NIPAL2: variants seen among roughly 807,000 people sequenced by gnomAD.
NIPAL2 encodes NIPA like domain containing 2.
NIPAL2 carries 43 observed loss-of-function variants against 48.9 expected under a neutral mutation model. That is an observed-to-expected ratio of 0.88 (90% confidence interval 0.69 to 1.13). NIPAL2 has a LOEUF of 1.13. NIPAL2 is among the 50% of genes most tolerant of loss of function. NIPAL2 has a pLI of 0.00. For missense variants in NIPAL2, 446 were observed against 461.4 expected (o/e 0.97, Z 0.31); for synonymous variants, 167 against 174.6 (o/e 0.96, Z 0.34).
rs1483998590 is a variant in NIPAL2 at position 98,257,607 on chromosome 8, G to GA, written c.136-3521dup. Among the ~76,000 whole-genome samples, 6 of 152,146 alleles carry GA rather than the reference G, an allele frequency of 3.9e-5. No individual in the cohort carries two copies. In the East Asian group the frequency reaches 1.2e-3, roughly 29 times the overall value. On this transcript the variant is annotated intron_variant, in intron 1 of 10. Transcript: ENST00000430223. Reference sequence around the variant, plus strand: ...GCCCTGCAAAGCTGTCTCTTATGGGGAAAATCAATGTTCTGTAGAGAATCT... The same window carrying GA: ...GCCCTGCAAAGCTGTCTCTTATGGGGAAAAATCAATGTTCTGTAGAGAATCT...
intron 1 of NIPAL2, among the ~76,000 whole-genome samples, chr8:98,264,726 A>G (rs1586439315): frequency 6.6e-6 from 1 of 151,982 alleles, no homozygotes; most frequent in East Asian, 2.0e-4. Flanking sequence ...TACAGATTCA[A>G]TGCCATCCCC....
chr8:98,208,377 A>T (rs929845374), intron 6 of NIPAL2, among the ~76,000 whole-genome samples: 3 of 152,140 alleles, frequency 2.0e-5, no homozygotes, highest in Non-Finnish European at 4.4e-5. Flanking sequence ...TTTGTCTCTG[A>T]TAACCAAAGC....
chr8:98,215,219 C>A (rs1450179894), intron 5 of NIPAL2, among the ~76,000 whole-genome samples: 1 of 152,224 alleles, frequency 6.6e-6, no homozygotes, highest in Non-Finnish European at 1.5e-5. Flanking sequence ...TAAATTCCAT[C>A]TCTGTGGCTT....
intron 1 of NIPAL2, among the ~76,000 whole-genome samples, chr8:98,259,069 C>CTTTTTTTTTTTTTTTTTTTTT (rs1563531576): frequency 1.0e-4 from 9 of 89,344 alleles, no homozygotes; most frequent in African/African-American, 3.7e-4. Context: ...TTTAAATATT[C>CTTTTTTTTTTTTTTTTTTTTT]CTTTTTTTTT....
intron 1 of NIPAL2, among the ~76,000 whole-genome samples, chr8:98,267,639 T>C (rs1814852329): frequency 2.0e-5 from 3 of 152,038 alleles, no homozygotes; most frequent in Admixed American, 2.0e-4. Flanking sequence ...TATTTTCTAA[T>C]CAGTAATGCC....
At chr8:98,268,391 T>C (rs774006801) in intron 1 of NIPAL2, among the ~76,000 whole-genome samples, 1 of 151,618 alleles carries the variant, frequency 6.6e-6, no homozygotes, top group African/African-American at 2.4e-5. Context: ...GAGGCTGAGG[T>C]GGGCAGATCA....
At chr8:98,283,371 T>G (rs1463558470) in intron 1 of NIPAL2, among the ~76,000 whole-genome samples, 2 of 152,078 alleles carry the variant, frequency 1.3e-5, no homozygotes, top group African/African-American at 4.8e-5. Context: ...GCAACAATAG[T>G]CAAGAAAAGG....
intron 1 of NIPAL2, among the ~76,000 whole-genome samples, chr8:98,276,546 C>T (rs1216951969): frequency 2.0e-5 from 3 of 152,092 alleles, no homozygotes. Context: ...GGCTTTTGTG[C>T]AGACATACGT....
At chr8:98,210,951 A>G (rs1263085105) in intron 6 of NIPAL2, among the ~76,000 whole-genome samples, 1 of 152,194 alleles carries the variant, frequency 6.6e-6, no homozygotes, top group East Asian at 1.9e-4. Context: ...GGCCAATCAG[A>G]AAGGGTGCTG....
intron 1 of NIPAL2, among the ~76,000 whole-genome samples, chr8:98,259,767 G>T (rs964992714): frequency 6.6e-6 from 1 of 152,204 alleles, no homozygotes; most frequent in Non-Finnish European, 1.5e-5. Context: ...CTGTGCTTGT[G>T]TCTATGGCCT....
intron 4 of NIPAL2, among the ~76,000 whole-genome samples, chr8:98,233,091 C>G (rs1812523338): frequency 6.6e-6 from 1 of 152,046 alleles, no homozygotes; most frequent in South Asian, 2.1e-4. Context: ...AGCCCTGTCT[C>G]TACTAAAAAT....
intron 4 of NIPAL2, among the ~76,000 whole-genome samples, chr8:98,224,507 A>AGT: frequency 6.6e-6 from 1 of 152,088 alleles, no homozygotes; most frequent in Admixed American, 6.5e-5. Context: ...TTACTGAACC[A>AGT]GTTTCCAATA....
rs80317261 is a variant in NIPAL2 at position 98,196,959 on chromosome 8, C to A, written c.881-954G>T. ...GTTGAATGAATGAAACTTTCTGAAGCACACTCCAGGTTATTACATACTTCC... is the reference window on the plus strand; with the variant it reads ...GTTGAATGAATGAAACTTTCTGAAGAACACTCCAGGTTATTACATACTTCC... On this transcript the variant is annotated intron_variant, in intron 8 of 10. Coordinates refer to ENST00000430223, the MANE Select transcript of NIPAL2 (RefSeq NM_001321635.2). Among the ~76,000 whole-genome samples, 1,133 of 152,314 alleles carry A rather than the reference C, an allele frequency of 7.4e-3. 11 individuals are homozygous for A. Among genetic ancestry groups the A allele is most frequent in the African/African-American group, 0.025 (1,060 of 41,572 alleles).
chr8:98,267,865 A>G (rs868692736), intron 1 of NIPAL2, among the ~76,000 whole-genome samples: 1 of 152,188 alleles, frequency 6.6e-6, no homozygotes, highest in South Asian at 2.1e-4. Context: ...TGGAACCTAC[A>G]TGAGGCAAAA....
chr8:98,283,889 A>T (rs767826500), intron 1 of NIPAL2, among the ~76,000 whole-genome samples: 4 of 152,086 alleles, frequency 2.6e-5, no homozygotes, highest in Non-Finnish European at 4.4e-5. Flanking sequence ...GTTGCCACTC[A>T]CTCACTGATC....
At chr8:98,290,458 C>T (rs1816431064) in intron 1 of NIPAL2, among the ~76,000 whole-genome samples, 1 of 152,164 alleles carries the variant, frequency 6.6e-6, no homozygotes, top group Non-Finnish European at 1.5e-5. Context: ...TCATTATTTC[C>T]CACATTTTCC....
At chr8:98,216,558 T>C (rs1811584261) in intron 5 of NIPAL2, among the ~76,000 whole-genome samples, 1 of 152,212 alleles carries the variant, frequency 6.6e-6, no homozygotes, top group Non-Finnish European at 1.5e-5. Flanking sequence ...TACCTGATGG[T>C]GGGTTTTGTT....
intron 10 of NIPAL2, among the ~76,000 whole-genome samples, chr8:98,194,348 C>T (rs1475303378): frequency 6.6e-6 from 1 of 152,168 alleles, no homozygotes; most frequent in Non-Finnish European, 1.5e-5. Flanking sequence ...TCCCCCAAGA[C>T]ATGCTCCTTA....
intron 3 of NIPAL2, among the ~76,000 whole-genome samples, chr8:98,250,854 G>C (rs1411616110): frequency 6.6e-6 from 1 of 152,176 alleles, no homozygotes; most frequent in East Asian, 1.9e-4. Flanking sequence ...TGCCAAGGTG[G>C]GCAGACTCAC....
Sources: gnomAD v4.1 joint callset for allele counts (sites outside exome capture counted in the v4.1 genomes callset) on GRCh38, gnomAD v4.1.1 for gene constraint, MANE v1.5 for transcripts, NCBI Gene and HGNC (gene_info 2026-07-23, HGNC 2026-07-21) for gene names.